The following GPR39 variants were observed in gnomAD, a reference collection of about 807,000 sequenced individuals.
The protein encoded by GPR39 is G protein-coupled receptor 39.
GPR39 carries 23 observed loss-of-function variants against 18.4 expected under a neutral mutation model. That is an observed-to-expected ratio of 1.25 (90% CI 0.90 to 1.77). GPR39 has a LOEUF of 1.77. GPR39 is among the 40% of genes most tolerant of loss of function. GPR39 has a pLI of 0.00. For missense variants in GPR39, 647 were observed against 602.4 expected, an observed-to-expected ratio of 1.07 and a Z score of -0.78; for synonymous variants, 280 against 257.9, an observed-to-expected ratio of 1.09 and a Z score of -0.82.
intron 1 of GPR39, among the ~76,000 whole-genome samples, chr2:132,439,585 G>T (rs1027407057): frequency 2.0e-5 from 3 of 152,162 alleles, no homozygotes; most frequent in East Asian, 3.9e-4. Context: ...TACCCTGATT[G>T]AATGCCTTCC....
rs1682084126 is a variant in GPR39 at position 132,646,450 on chromosome 2, G to A, written c.*844G>A. ...GTCTCATTGATATTCAAGATAGATGGTGAAAGAGACAGGCACTATTTCATT... is the reference window on the plus strand; with the variant it reads ...GTCTCATTGATATTCAAGATAGATGATGAAAGAGACAGGCACTATTTCATT... On this transcript the variant is annotated 3_prime_UTR_variant, in exon 2 of 2. Coordinates refer to ENST00000329321, the MANE Select transcript of GPR39 (RefSeq NM_001508.3). The A allele has an allele frequency of 4.8e-6, 2 of 417,082 alleles. No homozygotes were observed. Among genetic ancestry groups the A allele is most frequent in the Non-Finnish European group, 8.4e-6 (2 of 236,920 alleles). 25.8% of individuals were successfully genotyped at this position (417,082 alleles called of 1,614,324 possible).
intron 1 of GPR39, among the ~76,000 whole-genome samples, chr2:132,562,909 G>A (rs1055039567): frequency 6.6e-6 from 1 of 151,996 alleles, no homozygotes; most frequent in Non-Finnish European, 1.5e-5. Flanking sequence ...CATATATGCT[G>A]TTAGGACATT....
intron 1 of GPR39, among the ~76,000 whole-genome samples, chr2:132,456,221 C>T (rs556904244): frequency 6.6e-6 from 1 of 151,902 alleles, no homozygotes; most frequent in Non-Finnish European, 1.5e-5. Context: ...ATCCCTTTAC[C>T]ATTATGTAAT....
chr2:132,434,817 A>T (rs1558797802), intron 1 of GPR39, among the ~76,000 whole-genome samples: 1 of 152,152 alleles, frequency 6.6e-6, no homozygotes, highest in African/African-American at 2.4e-5. Context: ...TATAAAAGAG[A>T]TTGTGGATAT....
In GPR39 at chr2:132,545,655, CGT is replaced by C. The variant is rs35108024; in HGVS notation, c.857-99417_857-99416del. Among the ~76,000 whole-genome samples, 95 of 149,816 alleles carry C rather than the reference CGT, an allele frequency of 6.3e-4. 3 individuals carry two copies. Among genetic ancestry groups the C allele is most frequent in the East Asian group, 4.3e-3 (22 of 5,058 alleles). On this transcript the variant is annotated intron_variant, in intron 1 of 1. Coordinates refer to ENST00000329321, the MANE Select transcript of GPR39 (RefSeq NM_001508.3). Reference sequence around the variant, plus strand: ...CTTATAATCCACGATGTGTGATGGGCGTGTGTGTGTGTGTGTGTGTGTGTGTG... The same window carrying C: ...CTTATAATCCACGATGTGTGATGGGCGTGTGTGTGTGTGTGTGTGTGTGTG...
At chr2:132,592,232 A>G (rs546318386) in intron 1 of GPR39, among the ~76,000 whole-genome samples, 1 of 152,190 alleles carries the variant, frequency 6.6e-6, no homozygotes, top group South Asian at 2.1e-4. Context: ...AAGATCAAAC[A>G]TGGGAGTGAA....
chr2:132,490,720 A>G (rs1370459437), intron 1 of GPR39, among the ~76,000 whole-genome samples: 2 of 151,830 alleles, frequency 1.3e-5, no homozygotes, highest in East Asian at 3.9e-4. Context: ...AGGCCTGAAC[A>G]GGGTGAGGGA....
chr2:132,557,287 C>T (rs886336480), intron 1 of GPR39, among the ~76,000 whole-genome samples: 1 of 152,186 alleles, frequency 6.6e-6, no homozygotes, highest in African/African-American at 2.4e-5. Context: ...CATTGCACTC[C>T]AGCCTGGGCA....
chr2:132,603,710 G>A (rs1681086381), intron 1 of GPR39, among the ~76,000 whole-genome samples: 1 of 152,260 alleles, frequency 6.6e-6, no homozygotes, highest in South Asian at 2.1e-4. Context: ...ATTTGTGGGC[G>A]TGCGTGTGCG....
At chr2:132,610,984 A>G (rs929810592) in intron 1 of GPR39, among the ~76,000 whole-genome samples, 6 of 152,028 alleles carry the variant, frequency 3.9e-5, no homozygotes, top group African/African-American at 9.7e-5. Context: ...CCTTCATTTC[A>G]TTGGTTAGGC....
At chr2:132,428,793 T>A (rs930922879) in intron 1 of GPR39, among the ~76,000 whole-genome samples, 19 of 152,204 alleles carry the variant, frequency 1.2e-4, no homozygotes, top group Admixed American at 5.2e-4. Flanking sequence ...CAATCACTTG[T>A]TGTGTAGTTG....
Position 132,645,410 on chromosome 2 carries a change from A to G in GPR39, c.1166A>G (p.Gln389Arg), listed in dbSNP as rs1019463190. ...HSTTDSARFV[Q>R]RPLLFASRRQ... is the part of the protein sequence containing the mutation. The stretch of plus-strand genomic sequence containing the variant: ...ACCACCGACAGCGCCCGCTTTGTGC[A>G]GCGCCCGTTGCTCTTCGCGTCCCGG... The change falls in exon 2 of 2, where the codon CAG becomes CGG. Residue 389 changes from glutamine (Q) to arginine (R), a missense_variant. Coordinates refer to ENST00000329321, the MANE Select transcript of GPR39 (RefSeq NM_001508.3). 1.2e-6 allele frequency: 2 copies of G among 1,613,490 alleles called. No homozygotes were observed. Among genetic ancestry groups the G allele is most frequent in the African/African-American group, 1.3e-5 (1 of 74,934 alleles).
At chr2:132,552,426 G>C (rs1293443203) in intron 1 of GPR39, among the ~76,000 whole-genome samples, 1 of 151,974 alleles carries the variant, frequency 6.6e-6, no homozygotes, top group East Asian at 1.9e-4. Context: ...TTCTCCTTCT[G>C]TCATGACTGG....
At chr2:132,432,109 C>T (rs758512547) in intron 1 of GPR39, among the ~76,000 whole-genome samples, 1 of 152,104 alleles carries the variant, frequency 6.6e-6, no homozygotes, top group Non-Finnish European at 1.5e-5. Context: ...TGTCTTGCTC[C>T]ATTTGGGCTG....
intron 1 of GPR39, among the ~76,000 whole-genome samples, chr2:132,542,581 G>T (rs1679880814): frequency 6.6e-6 from 1 of 152,190 alleles, no homozygotes. Context: ...TGCATGGAAG[G>T]GTTGTGGGCA....
At chr2:132,487,629 A>T (rs1681367135) in intron 1 of GPR39, among the ~76,000 whole-genome samples, 1 of 152,230 alleles carries the variant, frequency 6.6e-6, no homozygotes, top group South Asian at 2.1e-4. Context: ...AATGAAAATT[A>T]TAATAGTCAA....
chr2:132,595,218 T>C (rs879830323), intron 1 of GPR39, among the ~76,000 whole-genome samples: 1 of 152,154 alleles, frequency 6.6e-6, no homozygotes, highest in Admixed American at 6.5e-5. Flanking sequence ...CAGGCTGGTC[T>C]TGAACTCCTG....
chr2:132,612,312 C>G (rs1455329692), intron 1 of GPR39, among the ~76,000 whole-genome samples: 1 of 152,072 alleles, frequency 6.6e-6, no homozygotes, highest in East Asian at 1.9e-4. Flanking sequence ...GCCTCCCCCT[C>G]CCCTCAGTCT....
chr2:132,507,714 G>C (rs1679160785), intron 1 of GPR39, among the ~76,000 whole-genome samples: 1 of 152,172 alleles, frequency 6.6e-6, no homozygotes, highest in African/African-American at 2.4e-5. Context: ...AACTGAATTT[G>C]AGTGTTCCCA....
Sources: allele counts gnomAD v4.1 joint callset (sites outside exome capture counted in the v4.1 genomes callset), GRCh38; gene constraint gnomAD v4.1.1; transcripts MANE v1.5; gene names NCBI Gene and HGNC (gene_info 2026-07-23, HGNC 2026-07-21).